The following AASS variants were observed in gnomAD, a reference collection of about 807,000 sequenced individuals.
AASS encodes the protein alpha-aminoadipic semialdehyde synthase, mitochondrial.
A neutral mutation model predicts 105.4 loss-of-function variants in AASS; 86 were observed. The observed-to-expected ratio is 0.82, with a 90% CI of 0.69 to 0.98. The LOEUF (loss-of-function observed/expected upper bound fraction) is 0.98. AASS is among the 50% of genes least tolerant of loss of function. The pLI, the probability that AASS is intolerant of heterozygous loss-of-function variation, is 0.00. For synonymous variants in AASS, 381 were observed against 394.8 expected (o/e 0.96, Z 0.41); for missense variants, 1,048 against 1,143.2 (o/e 0.92, Z 1.20).
chr7:122,077,953 T>G lies in AASS; in HGVS notation c.2547A>C (p.Gly849=). 6.2e-7 allele frequency: 1 copy of G among 1,614,178 alleles called. No homozygotes were observed. Among genetic ancestry groups the G allele is most frequent in the Non-Finnish European group, 8.5e-7 (1 of 1,180,022 alleles). ...GATCAATCGTTTTATGTTCTAAATG[T>G]CCAGAAGGATGTCTGATTCCAAAGC... ...RDSFGIRHPS[G]HLEHKTIDLV... The change falls in exon 23 of 24, where the codon GGA becomes GGC. Residue 849 remains glycine (G), a synonymous_variant. Transcript: ENST00000417368.
intron 15 of AASS, among the ~76,000 whole-genome samples, chr7:122,093,854 G>A (rs1159973052): frequency 6.6e-6 from 1 of 151,850 alleles, no homozygotes; most frequent in Non-Finnish European, 1.5e-5. Context: ...AACAAAAACC[G>A]TGAATTGGAT....
chr7:122,115,146 T>G lies in AASS; in HGVS notation c.971A>C (p.Asp324Ala). 6.2e-7 allele frequency: 1 copy of G among 1,614,180 alleles called. No individual in the cohort carries two copies. Among genetic ancestry groups the G allele is most frequent in the Non-Finnish European group, 8.5e-7 (1 of 1,180,038 alleles). Residue 324 changes from aspartate (D) to alanine (A), a missense_variant, in exon 9 of 24, where the codon GAT (aspartate) becomes GCT (alanine). Coordinates refer to ENST00000417368, the MANE Select transcript of AASS (RefSeq NM_005763.4). The part of the protein sequence containing the change: ...QNTPRLLTRQ[D>A]AQSLLAPGKF... ...GCCCGGAGCCAGGAGACTCTGAGCA[T>G]CTTGGCGGGTTAGGAGGCGAGGAGT...
At chr7:122,080,403 T>A (rs887686638) in intron 20 of AASS, among the ~76,000 whole-genome samples, 1 of 152,192 alleles carries the variant, frequency 6.6e-6, no homozygotes, top group East Asian at 1.9e-4. Flanking sequence ...AGAGACCGTG[T>A]GGCCCATAAA....
chr7:122,119,904 G>C (rs931682685), intron 4 of AASS, among the ~76,000 whole-genome samples: 1 of 152,176 alleles, frequency 6.6e-6, no homozygotes, highest in Non-Finnish European at 1.5e-5. Flanking sequence ...CCCACAGTCA[G>C]TTCTGTGACA....
chr7:122,141,344 C>G (rs1057298952), intron 1 of AASS, among the ~76,000 whole-genome samples: 12 of 152,128 alleles, frequency 7.9e-5, no homozygotes, highest in African/African-American at 2.9e-4. Context: ...TTCTCCTGGT[C>G]TCTAGCTTAT....
intron 20 of AASS, 37 bp from the exon 21 acceptor site, chr7:122,079,749 T>C: frequency 3.3e-6 from 5 of 1,501,602 alleles, no homozygotes; most frequent in Non-Finnish European, 4.6e-6. Context: ...TCTAAGTCCC[T>C]AACAAATTTT....
Position 122,113,458 on chromosome 7 carries a change from T to C in AASS, c.1166+140A>G. The C allele has an allele frequency of 3.5e-6, 4 of 1,156,264 alleles. No homozygotes were observed. In the South Asian group the frequency reaches 5.5e-5, roughly 16 times the overall value. The allele number at this position is 1,156,264 out of a possible 1,614,324, so 71.6% of individuals were successfully genotyped here. A position where few individuals can be genotyped will look rare whatever the true frequency, so the allele number is the denominator to read the frequency against. The stretch of plus-strand genomic sequence containing the variant: ...GTGTGTGTTCAAATGTGCATGTTTT[T>C]TTCCCCAAATTTTAGTATGTTTGAG... On this transcript the variant is annotated intron_variant, in intron 10 of 23. Transcript: ENST00000417368.
At position 122,086,154 on chromosome 7, in the gene AASS, G is replaced by A; in HGVS notation, c.2042C>T (p.Ser681Phe). Residue 681 changes from serine to phenylalanine, a missense_variant, in exon 19 of 24, where the codon TCC becomes TTC. Transcript: ENST00000417368. ...CATGGACGTAACGGCATCAAGAAAG[G>A]AGATGCCTCCTGCAACATTCACAAC... ...GKVVNVAGGI[S>F]FLDAVTSMDF... is the part of the protein sequence containing the mutation. 6.2e-7 allele frequency: 1 copy of A among 1,613,356 alleles called. No homozygotes were observed. Among genetic ancestry groups the A allele is most frequent in the East Asian group, 2.2e-5 (1 of 44,818 alleles).
At chr7:122,095,252 G>C (rs947112498) in intron 15 of AASS, among the ~76,000 whole-genome samples, 3 of 152,180 alleles carry the variant, frequency 2.0e-5, no homozygotes, top group Non-Finnish European at 2.9e-5. Flanking sequence ...GTGAACAATG[G>C]ATGATGCTGT....
chr7:122,140,484 T>TGAAAAAAAAAAAAAAA (rs1345304559), intron 1 of AASS, among the ~76,000 whole-genome samples: 1 of 14,848 alleles, frequency 6.7e-5, no homozygotes, highest in Admixed American at 8.1e-4. Flanking sequence ...AGACTCAGTC[T>TGAAAAAAAAAAAAAAA]CAAAAAAAAA....
chr7:122,094,102 T>A (rs1794031019), intron 15 of AASS, among the ~76,000 whole-genome samples: 1 of 151,996 alleles, frequency 6.6e-6, no homozygotes, highest in Non-Finnish European at 1.5e-5. Context: ...AGGGAAGAGA[T>A]AAGAAGTGGA....
intron 11 of AASS, among the ~76,000 whole-genome samples, chr7:122,103,316 T>C (rs890539238): frequency 2.0e-4 from 30 of 152,016 alleles, no homozygotes; most frequent in Admixed American, 3.3e-4. Flanking sequence ...ATATTCAAAG[T>C]GCTGATGCAC....
At chr7:122,105,441 C>T (rs927061619) in intron 11 of AASS, among the ~76,000 whole-genome samples, 4 of 151,994 alleles carry the variant, frequency 2.6e-5, no homozygotes, top group African/African-American at 9.7e-5. Context: ...TTCTCTAGTA[C>T]ATATAGAATG....
intron 6 of AASS, among the ~76,000 whole-genome samples, chr7:122,117,985 A>G (rs1024026642): frequency 6.6e-6 from 1 of 152,132 alleles, no homozygotes; most frequent in Non-Finnish European, 1.5e-5. Flanking sequence ...AAGAAAAAGA[A>G]ACGAAGAAAA....
At chr7:122,085,682 C>T (rs1793588570) in intron 19 of AASS, among the ~76,000 whole-genome samples, 1 of 152,126 alleles carries the variant, frequency 6.6e-6, no homozygotes, top group Non-Finnish European at 1.5e-5. Context: ...ACTGCCACCA[C>T]TCTGCCATCG....
intron 19 of AASS, among the ~76,000 whole-genome samples, chr7:122,083,800 GAGA>G (rs1045093146): frequency 7.2e-5 from 11 of 152,060 alleles, no homozygotes; most frequent in African/African-American, 2.7e-4. Flanking sequence ...CAGGCAGGCA[GAGA>G]AGGAGAGTGG....
In AASS at chr7:122,113,645, C is replaced by G. The variant is rs1003421793; in HGVS notation, c.1119G>C (p.Glu373Asp). ...CTGCATCATACATGCAAAAGGGATGCTCTATTGTTGTACACTCAGTCATAA... is the reference window on the plus strand; with the variant it reads ...CTGCATCATACATGCAAAAGGGATGGTCTATTGTTGTACACTCAGTCATAA... The part of the protein sequence containing the change: ...IEFMTECTTI[E>D]HPFCMYDADQ... The change falls in exon 10 of 24, where the codon GAG becomes GAC. Residue 373 changes from glutamate to aspartate, a missense_variant. By Grantham distance (45) the Glu-to-Asp change is conservative (BLOSUM62 2). Coordinates refer to ENST00000417368, the MANE Select transcript of AASS (RefSeq NM_005763.4). 4 of 1,613,678 alleles carry G rather than the reference C, an allele frequency of 2.5e-6. No individual in the cohort carries two copies. Among genetic ancestry groups the G allele is most frequent in the Non-Finnish European group, 3.4e-6 (4 of 1,179,916 alleles).
chr7:122,101,331 G>A, intron 13 of AASS, 40 bp downstream of exon 13: 1 of 1,479,062 alleles, frequency 6.8e-7, no homozygotes, highest in South Asian at 1.1e-5. Context: ...TCCAAGATAA[G>A]AATAAATGTA....
chr7:122,101,786 G>T, intron 11 of AASS, 106 bp from the exon 12 acceptor site: 1 of 897,926 alleles, frequency 1.1e-6, no homozygotes, highest in South Asian at 1.5e-5. Context: ...AATAATTTAA[G>T]AAACAGTTTT....
Sources: gnomAD v4.1 joint callset for allele counts (sites outside exome capture counted in the v4.1 genomes callset) on GRCh38, gnomAD v4.1.1 for gene constraint, MANE v1.5 for transcripts, NCBI Gene and HGNC (gene_info 2026-07-23, HGNC 2026-07-21) for gene names.